Variants in COL27A1 observed in about 807,000 individuals in gnomAD.
The protein encoded by COL27A1 is collagen alpha-1(XXVII) chain.
A neutral mutation model predicts 251.3 loss-of-function variants in COL27A1; 106 were observed. The ratio of observed to expected loss-of-function variants is 0.42; its 90% CI spans 0.36 to 0.50. The LOEUF (loss-of-function observed/expected upper bound fraction) is 0.50. COL27A1 is among the 20% of genes least tolerant of loss of function. COL27A1 has a pLI of 0.00. For synonymous variants in COL27A1, 1,000 were observed against 986.3 expected, an observed-to-expected ratio of 1.01 and a Z score of -0.26; for missense variants, 2,325 against 2,522.8, an observed-to-expected ratio of 0.92 and a Z score of 1.68.
intron 1 of COL27A1, among the ~76,000 whole-genome samples, chr9:114,157,256 T>A (rs1848187217): frequency 1.3e-5 from 2 of 152,232 alleles, no homozygotes; most frequent in Non-Finnish European, 2.9e-5. Context: ...CAGTCAACAC[T>A]GCTCGGAGGC....
chr9:114,181,494 CAGTT>C lies in COL27A1; in HGVS notation c.1963-1525_1963-1522del, dbSNP rs529737641. ...AGGGAAGAAGAAAGCAGTTCACACA[CAGTT>C]AGCCCGATGAATCAAGAGGGACGGG... On this transcript the variant is annotated intron_variant, in intron 4 of 60. Coordinates refer to ENST00000356083, the MANE Select transcript of COL27A1 (RefSeq NM_032888.4). Among the ~76,000 whole-genome samples, 18 of 152,280 alleles carry C rather than the reference CAGTT, an allele frequency of 1.2e-4. No individual in the cohort carries two copies. In the South Asian group the frequency reaches 3.3e-3, roughly 28 times the overall value.
intron 48 of COL27A1, 91 bp from the exon 49 acceptor site, chr9:114,292,012 A>T: frequency 9.0e-7 from 1 of 1,113,384 alleles, no homozygotes; most frequent in Non-Finnish European, 1.3e-6. Flanking sequence ...CTGTGGAATC[A>T]CTGTTCTGGC....
intron 12 of COL27A1, 125 bp downstream of exon 12, chr9:114,211,151 G>T (rs1206461837): frequency 2.0e-6 from 2 of 999,722 alleles, no homozygotes; most frequent in South Asian, 1.4e-5. Flanking sequence ...TGTGGGGGCC[G>T]CATGTGGGGT....
chr9:114,180,841 G>C (rs558343721), intron 4 of COL27A1, among the ~76,000 whole-genome samples: 2 of 152,168 alleles, frequency 1.3e-5, no homozygotes, highest in South Asian at 2.1e-4. Context: ...GGGACGGGGG[G>C]GCAGGGAAAC....
intron 37 of COL27A1, among the ~76,000 whole-genome samples, chr9:114,281,896 G>A (rs145679659): frequency 0.014 from 2,173 of 152,292 alleles, 36 homozygotes; most frequent in Non-Finnish European, 0.02. Flanking sequence ...ACAGCACTTG[G>A]CGCTGGAGAG....
chr9:114,227,440 G>A (rs565375429), intron 14 of COL27A1, among the ~76,000 whole-genome samples: 20 of 151,254 alleles, frequency 1.3e-4, no homozygotes, highest in African/African-American at 1.9e-4. Context: ...TTTATTGCTC[G>A]ATCTCAGGCA....
chr9:114,174,833 T>A (rs1827280559), intron 3 of COL27A1, among the ~76,000 whole-genome samples: 1 of 152,158 alleles, frequency 6.6e-6, no homozygotes, highest in African/African-American at 2.4e-5. Flanking sequence ...CTGGGTGCCC[T>A]GTGTGAATTC....
chr9:114,161,707 C>T lies in COL27A1; in HGVS notation c.63-1008C>T, dbSNP rs547182962. On this transcript the variant is annotated intron_variant, in intron 1 of 60. Coordinates refer to ENST00000356083, the MANE Select transcript of COL27A1 (RefSeq NM_032888.4). ...GTCCCGCCTGTCTCTGGCCACGTGC[C>T]GGCCTCCCCTCTGCCTGCCTGGGGA... Among the ~76,000 whole-genome samples the T allele has an allele frequency of 4.6e-5, 7 of 152,348 alleles. No individual in the cohort carries two copies. In the East Asian group the frequency reaches 5.8e-4, roughly 13 times the overall value.
At chr9:114,182,053 T>C (rs10759686) in intron 4 of COL27A1, among the ~76,000 whole-genome samples, 85,207 of 151,640 alleles carry the variant, frequency 0.56, 24,853 homozygotes, top group East Asian at 0.74. Context: ...AAAAGTCCAG[T>C]TGGGGCCAGC....
chr9:114,309,522 T>A lies in COL27A1; in HGVS notation c.5436+44T>A, dbSNP rs3736251. 25 of 1,478,412 alleles carry A rather than the reference T, an allele frequency of 1.7e-5. No individual in the cohort carries two copies. In the South Asian group the frequency reaches 2.8e-4, roughly 16 times the overall value. 91.6% of individuals were successfully genotyped at this position (1,478,412 alleles called of 1,614,324 possible). On this transcript the variant is annotated intron_variant, in intron 60 of 60. Coordinates refer to ENST00000356083, the MANE Select transcript of COL27A1 (RefSeq NM_032888.4). ...CCTAGGCCCTTCATGTGGGGACAAC[T>A]GGAAAAACACTTGTTTGGAAAAATG... is the stretch of plus-strand genomic sequence containing the variant.
At chr9:114,162,669 G>C (rs1198392151) in intron 1 of COL27A1, 46 bp from the exon 2 acceptor site, 1 of 1,399,378 alleles carries the variant, frequency 7.1e-7, no homozygotes, top group East Asian at 2.3e-5. Context: ...CCGGGTGTGA[G>C]GGGTGGAAGC....
chr9:114,187,442 C>G (rs2808783), intron 5 of COL27A1, among the ~76,000 whole-genome samples: 44,462 of 152,242 alleles, frequency 0.29, 7,652 homozygotes, highest in African/African-American at 0.48. Flanking sequence ...GCTTTATGTA[C>G]TTTGCAGGGC....
intron 7 of COL27A1, among the ~76,000 whole-genome samples, chr9:114,197,394 CTGTT>C: frequency 6.6e-6 from 1 of 152,238 alleles, no homozygotes; most frequent in Non-Finnish European, 1.5e-5. Flanking sequence ...GAAGCAGTGG[CTGTT>C]TGTGAGCTGG....
chr9:114,273,592 T>G (rs1011403963), intron 36 of COL27A1: 2 of 152,460 alleles, frequency 1.3e-5, no homozygotes, highest in Non-Finnish European at 2.9e-5. Context: ...AGGCTCCAGC[T>G]TCATGCCCTC....
intron 37 of COL27A1, among the ~76,000 whole-genome samples, chr9:114,277,946 G>A (rs897955269): frequency 6.6e-6 from 1 of 152,160 alleles, no homozygotes; most frequent in African/African-American, 2.4e-5. Context: ...GAGTCCTGAG[G>A]TTGAACTTGA....
intron 7 of COL27A1, among the ~76,000 whole-genome samples, chr9:114,197,981 A>G (rs1829276484): frequency 6.6e-6 from 1 of 152,210 alleles, no homozygotes; most frequent in Non-Finnish European, 1.5e-5. Context: ...CCACCATTGT[A>G]GATGGTCTTT....
chr9:114,310,441 T>C, intron 60 of COL27A1, 108 bp from the exon 61 acceptor site: 2 of 1,214,794 alleles, frequency 1.6e-6, no homozygotes, highest in South Asian at 1.3e-5. Flanking sequence ...TACAATGAAA[T>C]ACAGTATAGC....
chr9:114,264,906 G>C lies in COL27A1; in HGVS notation c.3250-18G>C. Reference sequence around the variant, plus strand: ...CCCAAGCACCCTCTCCCACCTTCACGTGCTCTGCTTCCCACAGGGCCCTCC... The same window carrying C: ...CCCAAGCACCCTCTCCCACCTTCACCTGCTCTGCTTCCCACAGGGCCCTCC... On this transcript the variant is annotated intron_variant, in intron 29 of 60. Coordinates refer to ENST00000356083, the MANE Select transcript of COL27A1 (RefSeq NM_032888.4). 1 of 1,608,972 alleles carries C rather than the reference G, an allele frequency of 6.2e-7. No homozygotes were observed. Among genetic ancestry groups the C allele is most frequent in the Non-Finnish European group, 8.5e-7 (1 of 1,177,002 alleles).
chr9:114,268,168 G>A (rs112445508), intron 34 of COL27A1, among the ~76,000 whole-genome samples: 7 of 152,038 alleles, frequency 4.6e-5, no homozygotes, highest in Non-Finnish European at 8.8e-5. Flanking sequence ...ACCACCCCAC[G>A]TAGAAAACTG....
Sources: allele counts gnomAD v4.1 joint callset (sites outside exome capture counted in the v4.1 genomes callset), GRCh38; gene constraint gnomAD v4.1.1; transcripts MANE v1.5; gene names NCBI Gene and HGNC (gene_info 2026-07-23, HGNC 2026-07-21).